CLCN4: variants seen among roughly 807,000 people sequenced by gnomAD.
CLCN4 encodes Cl-/H+ antiporter 4.
Under a neutral mutation model 41.7 loss-of-function variants are expected in CLCN4, and 1 was observed. That is an observed-to-expected ratio of 0.02 (90% CI 0.01 to 0.11). CLCN4 has a LOEUF of 0.11. Among genes scored for constraint, CLCN4 ranks in the 10% least tolerant of loss-of-function variants. The pLI is 1.00. For synonymous variants in CLCN4, 277 were observed against 285.8 expected (o/e 0.97, Z 0.31); for missense variants, 287 against 661.0 (o/e 0.43, Z 6.20).
intron 9 of CLCN4, among the ~76,000 whole-genome samples, chrX:10,209,755 CA>C (rs1458025184): frequency 9.0e-6 from 1 of 110,517 alleles, no homozygotes; most frequent in Non-Finnish European, 1.9e-5. Context: ...TTGTTAAAAT[CA>C]TTATGTTAAA....
chrX:10,208,050 T>C lies in CLCN4; in HGVS notation c.849T>C (p.Ser283=). The C allele has an allele frequency of 5.0e-6, 6 of 1,205,359 alleles. No homozygotes were observed. The highest frequency in any genetic ancestry group is 6.7e-6 in the Non-Finnish European group (6 of 890,909). ...TTTCCACTTTTTCATCTCAGGTCAG[T>C]TACTACTTTCCCCTGAAGACCTTGT... ...GGVLFSLEEV[S]YYFPLKTLWR... is the part of the protein sequence containing the mutation. The change falls in exon 9 of 13, where the codon AGT becomes AGC. Residue 283 remains serine (S), a synonymous_variant. Coordinates refer to ENST00000380833, the MANE Select transcript of CLCN4 (RefSeq NM_001830.4).
At chrX:10,180,595 C>A (rs1268657182) in intron 2 of CLCN4, among the ~76,000 whole-genome samples, 1 of 109,100 alleles carries the variant, frequency 9.2e-6, no homozygotes, top group Non-Finnish European at 1.9e-5. Context: ...TGGAGAAACA[C>A]CATCTCTACT....
intron 2 of CLCN4, among the ~76,000 whole-genome samples, chrX:10,175,191 G>A (rs915020427): frequency 1.1e-4 from 12 of 111,578 alleles, no homozygotes; most frequent in African/African-American, 3.6e-4. Flanking sequence ...AGGAGGTTGC[G>A]GTGACCTGGG....
chrX:10,201,150 TAGAG>T (rs1291943279), intron 6 of CLCN4, among the ~76,000 whole-genome samples: 1 of 111,788 alleles, frequency 8.9e-6, no homozygotes, highest in Non-Finnish European at 1.9e-5. Context: ...GCTAAAACTA[TAGAG>T]AAAGGGGAAG....
At chrX:10,206,629 C>CTTGCAGGT in intron 7 of CLCN4, 65 bp downstream of exon 7, 1 of 1,190,115 alleles carries the variant, frequency 8.4e-7, no homozygotes, top group South Asian at 1.8e-5. Flanking sequence ...TGCTGTCTGA[C>CTTGCAGGT]TTGCAGGTTT....
intron 2 of CLCN4, among the ~76,000 whole-genome samples, chrX:10,164,173 G>A (rs905191891): frequency 6.2e-5 from 7 of 112,306 alleles, no homozygotes; most frequent in Admixed American, 2.8e-4. Flanking sequence ...CTGAGGGGTC[G>A]CACTTGAGCA....
Position 10,186,196 on chromosome X carries a change from C to T in CLCN4, c.144+1020C>T, listed in dbSNP as rs953245739. Among the ~76,000 whole-genome samples, 15 of 108,960 alleles carry T rather than the reference C, an allele frequency of 1.4e-4. No individual in the cohort carries two copies. In the Admixed American group the frequency reaches 1.5e-3, roughly 11 times the overall value. 94.6% of individuals were successfully genotyped at this position (108,960 alleles called of 115,157 possible). ...AGATGCGTTGGTTTGAGCTGCGCTG[C>T]GGATGGGTGATCACAGGTGGCGAGA... On this transcript the variant is annotated intron_variant, in intron 3 of 12. Coordinates refer to ENST00000380833, the MANE Select transcript of CLCN4 (RefSeq NM_001830.4).
In CLCN4 at chrX:10,208,471, C is replaced by T; in HGVS notation, c.1270C>T (p.Arg424Trp). 7 of 1,211,506 alleles carry T rather than the reference C, an allele frequency of 5.8e-6. No homozygotes were observed. Among genetic ancestry groups the T allele is most frequent in the South Asian group, 5.3e-5 (3 of 56,978 alleles). The change falls in exon 9 of 13, where the codon CGG (arginine) becomes TGG (tryptophan). Residue 424 changes from arginine (R) to tryptophan (W), a missense_variant. Arg to Trp is a moderately radical substitution (Grantham distance 101). Around this residue, in one of 6 missense-constraint regions of CLCN4, gnomAD observed 94 missense variants for 177.9 expected, o/e 0.53. Transcript: ENST00000380833. Reference sequence around the variant, plus strand: ...CTACATCAATGACCCCAACATGACTCGGCCTGTGGATGACATTCCAGACCG... The same window carrying T: ...CTACATCAATGACCCCAACATGACTTGGCCTGTGGATGACATTCCAGACCG... Reference protein sequence around the residue: ...CDYINDPNMTRPVDDIPDRPA... With the variant: ...CDYINDPNMTWPVDDIPDRPA...
At chrX:10,209,376 C>CCCTT (rs1924487513) in intron 9 of CLCN4, among the ~76,000 whole-genome samples, 1 of 92,749 alleles carries the variant, frequency 1.1e-5, no homozygotes, top group African/African-American at 4.2e-5. Flanking sequence ...TTCCCCTTTC[C>CCCTT]CCCTTCCCTT....
chrX:10,213,279 A>T (rs1924615231), intron 10 of CLCN4, among the ~76,000 whole-genome samples: 1 of 112,171 alleles, frequency 8.9e-6, no homozygotes. Flanking sequence ...ATTCAGGGGC[A>T]CAAAGGTGGG....
At chrX:10,157,868 T>C (rs1018740496) in intron 1 of CLCN4, among the ~76,000 whole-genome samples, 5 of 112,905 alleles carry the variant, frequency 4.4e-5, no homozygotes, top group Non-Finnish European at 7.5e-5. Context: ...ATCACATATT[T>C]AAGTAAGTAG....
At chrX:10,161,585 TGTGACTGGCTATTAG>T (rs1923103240) in intron 2 of CLCN4, among the ~76,000 whole-genome samples, 1 of 111,783 alleles carries the variant, frequency 8.9e-6, no homozygotes, top group Non-Finnish European at 1.9e-5. Flanking sequence ...GATGCTTTGA[TGTGACTGGCTATTAG>T]GTGACACTAG....
At chrX:10,184,783 A>T (rs1304104998) in intron 2 of CLCN4, among the ~76,000 whole-genome samples, 1 of 112,138 alleles carries the variant, frequency 8.9e-6, no homozygotes, top group African/African-American at 3.2e-5. Flanking sequence ...GCAGGAACTT[A>T]ACCCTGTATT....
chrX:10,182,487 G>A (rs186105511), intron 2 of CLCN4, among the ~76,000 whole-genome samples: 27 of 112,322 alleles, frequency 2.4e-4, no homozygotes, highest in African/African-American at 7.8e-4. Flanking sequence ...GTGCGGTGGC[G>A]CAATCTTGGC....
intron 2 of CLCN4, among the ~76,000 whole-genome samples, chrX:10,160,967 G>C: frequency 9.0e-6 from 1 of 110,950 alleles, no homozygotes; most frequent in East Asian, 2.8e-4. Context: ...AGGAAGCGGG[G>C]GTGGCAGCAG....
intron 8 of CLCN4, 134 bp from the exon 9 acceptor site, chrX:10,207,911 A>T: frequency 1.9e-6 from 1 of 538,321 alleles, no homozygotes; most frequent in Non-Finnish European, 3.1e-6. Context: ...CGTTTTGGTC[A>T]CATTAAGTCC....
intron 2 of CLCN4, among the ~76,000 whole-genome samples, chrX:10,184,380 T>A (rs1383814385): frequency 9.0e-6 from 1 of 111,655 alleles, no homozygotes; most frequent in East Asian, 2.8e-4. Context: ...CGTGTGTGTG[T>A]AGAGCGACAA....
intron 12 of CLCN4, among the ~76,000 whole-genome samples, chrX:10,224,256 G>C (rs1263969027): frequency 9.3e-6 from 1 of 107,770 alleles, no homozygotes; most frequent in African/African-American, 3.4e-5. Context: ...TGAAGACAAG[G>C]AAACAAAAAC....
intron 6 of CLCN4, 122 bp downstream of exon 6, chrX:10,198,183 G>T: frequency 6.0e-6 from 4 of 671,702 alleles, no homozygotes; most frequent in Non-Finnish European, 8.8e-6. Flanking sequence ...TTCTCAATAA[G>T]ACTATGACGT....
Sources: gnomAD v4.1 joint callset for allele counts (sites outside exome capture counted in the v4.1 genomes callset) on GRCh38, gnomAD v4.1.1 for gene constraint, gnomAD v4.1.1 regional missense constraint, MANE v1.5 for transcripts, NCBI Gene and HGNC (gene_info 2026-07-23, HGNC 2026-07-21) for gene names.